GALNT18: variants seen among roughly 807,000 people sequenced by gnomAD.
GALNT18 encodes the protein polypeptide N-acetylgalactosaminyltransferase 18.
A neutral mutation model predicts 69.5 loss-of-function variants in GALNT18; 44 were observed. The ratio of observed to expected loss-of-function variants is 0.63; its 90% CI spans 0.50 to 0.81. The LOEUF (loss-of-function observed/expected upper bound fraction) is 0.81, where lower values mean the gene tolerates loss of function less well. Ranked by LOEUF, GALNT18 falls within the 40% of genes least tolerant of loss-of-function variation. The pLI, the probability that GALNT18 is intolerant of heterozygous loss-of-function variation, is 0.00. For synonymous variants in GALNT18, 364 were observed against 318.2 expected (o/e 1.14, Z -1.53); for missense variants, 715 against 810.0 (o/e 0.88, Z 1.42).
rs1859622281 is a variant in GALNT18 at position 11,601,056 on chromosome 11, T to G, written c.235+20303A>C. 6.6e-6 allele frequency among the ~76,000 whole-genome samples: 1 copy of G among 152,220 alleles called. No individual in the cohort carries two copies. The highest frequency in any genetic ancestry group is 2.4e-5 in the African/African-American group (1 of 41,470). ...GACATTTTCATGATGCCTTTAATTT[T>G]TTCAGCATAGTTTCCTTTAGTTCTT... On this transcript the variant is annotated intron_variant, in intron 1 of 10. Coordinates refer to ENST00000227756, the MANE Select transcript of GALNT18 (RefSeq NM_198516.3). The surrounding 1 kb of genome is among the most constrained non-coding windows in gnomAD (Gnocchi z 4.0).
intron 2 of GALNT18, among the ~76,000 whole-genome samples, chr11:11,442,517 A>G (rs976455370): frequency 2.0e-5 from 3 of 152,170 alleles, no homozygotes; most frequent in African/African-American, 7.2e-5. Context: ...CTGGACTGTT[A>G]AAACAATCTT....
At chr11:11,576,182 A>G (rs1184610662) in intron 1 of GALNT18, among the ~76,000 whole-genome samples, 1 of 152,222 alleles carries the variant, frequency 6.6e-6, no homozygotes, top group South Asian at 2.1e-4. Context: ...TTCTCTAGCC[A>G]GAGTCCTGCT....
chr11:11,282,533 G>C (rs1414582446), intron 10 of GALNT18, among the ~76,000 whole-genome samples: 3 of 152,188 alleles, frequency 2.0e-5, no homozygotes, highest in Non-Finnish European at 4.4e-5. Flanking sequence ...AGTAAGTAGT[G>C]GCAGCCTGGG....
Position 11,454,204 on chromosome 11 carries a change from A to G in GALNT18, c.236-5268T>C, listed in dbSNP as rs1423419722. Among the ~76,000 whole-genome samples the G allele has an allele frequency of 6.6e-6, 1 of 152,202 alleles. No individual in the cohort carries two copies. The highest frequency in any genetic ancestry group is 1.5e-5 in the Non-Finnish European group (1 of 68,026). ...AGCCAGTGAAGGCATGGCCGGGGCA[A>G]ATTCCAGCTGTGTGCAGTTAATTCC... On this transcript the variant is annotated intron_variant, in intron 1 of 10. Coordinates refer to ENST00000227756, the MANE Select transcript of GALNT18 (RefSeq NM_198516.3). This position sits in a 1 kb window ranked among gnomAD's most constrained non-coding sequence, Gnocchi z 4.2.
intron 6 of GALNT18, among the ~76,000 whole-genome samples, chr11:11,355,289 C>T (rs962567582): frequency 1.3e-4 from 20 of 152,178 alleles, no homozygotes; most frequent in Admixed American, 3.3e-4. Context: ...GATACTTACA[C>T]TGTGTTTTTT....
rs1308234609 is a variant in GALNT18, at chr11:11,340,812, TC to T, written c.1278+6del. 1.5e-5 allele frequency: 24 copies of T among 1,601,890 alleles called. No individual in the cohort carries two copies. Among genetic ancestry groups the T allele is most frequent in the Non-Finnish European group, 2.0e-5 (24 of 1,173,432 alleles). ...CCGAGAAACTCATCCCTACCGGAGATCCCTACCTCCTGCGGTATGTTCCATG... is the reference window on the plus strand; with the variant it reads ...CCGAGAAACTCATCCCTACCGGAGATCCTACCTCCTGCGGTATGTTCCATG... On this transcript the variant is annotated splice_donor_region_variant and intron_variant, in intron 7 of 10. Coordinates refer to ENST00000227756, the MANE Select transcript of GALNT18 (RefSeq NM_198516.3). The surrounding 1 kb of genome is among the most constrained non-coding windows in gnomAD (Gnocchi z 4.2).
At chr11:11,273,348 A>C (rs1208334648) in intron 10 of GALNT18, among the ~76,000 whole-genome samples, 1 of 145,560 alleles carries the variant, frequency 6.9e-6, no homozygotes, top group African/African-American at 2.5e-5. Context: ...CAAATAACTC[A>C]ATAGCAAGAA....
chr11:11,292,938 C>T, intron 10 of GALNT18, 91 bp downstream of exon 10: 1 of 1,195,932 alleles, frequency 8.4e-7, no homozygotes. Flanking sequence ...CCTTCCCCTT[C>T]CCCTCTCCTC....
At chr11:11,481,256 T>C (rs1856521883) in intron 1 of GALNT18, among the ~76,000 whole-genome samples, 2 of 145,516 alleles carry the variant, frequency 1.4e-5, no homozygotes, top group Non-Finnish European at 3.0e-5. Context: ...CCCCTTGCCC[T>C]GGCTACAGCT....
intron 3 of GALNT18, among the ~76,000 whole-genome samples, chr11:11,395,335 G>C (rs912619614): frequency 1.3e-5 from 2 of 152,234 alleles, no homozygotes; most frequent in Non-Finnish European, 2.9e-5. Flanking sequence ...AAGAAGGAAA[G>C]GGGACAGGTG....
At chr11:11,450,202 G>T (rs573323210) in intron 1 of GALNT18, among the ~76,000 whole-genome samples, 9 of 152,196 alleles carry the variant, frequency 5.9e-5, no homozygotes, top group Non-Finnish European at 1.2e-4. Flanking sequence ...GGACAGGAGA[G>T]GCAGGCTTGG....
At chr11:11,553,466 C>G (rs1858250429) in intron 1 of GALNT18, among the ~76,000 whole-genome samples, 1 of 152,192 alleles carries the variant, frequency 6.6e-6, no homozygotes. Context: ...TGGACGGGAC[C>G]CAGGCCTCTG....
chr11:11,408,670 T>C (rs1854651409), intron 3 of GALNT18, among the ~76,000 whole-genome samples: 1 of 152,138 alleles, frequency 6.6e-6, no homozygotes, highest in South Asian at 2.1e-4. Flanking sequence ...ACCTGCATCG[T>C]AGGCAGGAGG....
intron 10 of GALNT18, among the ~76,000 whole-genome samples, chr11:11,275,542 T>C (rs1334295884): frequency 6.6e-6 from 1 of 152,236 alleles, no homozygotes; most frequent in Non-Finnish European, 1.5e-5. Context: ...TTTAATTAGA[T>C]CCCATTTGTC....
At chr11:11,422,018 GATATCTATATCATCT>G (rs939093664) in intron 3 of GALNT18, among the ~76,000 whole-genome samples, 18 of 151,346 alleles carry the variant, frequency 1.2e-4, no homozygotes, top group Admixed American at 3.3e-4. Context: ...GAATCTGTCA[GATATCTATATCATCT>G]ATATCTATAT....
chr11:11,292,320 TCTC>T lies in GALNT18; in HGVS notation c.1677+706_1677+708del, dbSNP rs1189888692. ...GAGACCTCTGGGCAGAGGCAGAAGT[TCTC>T]CTCAAAGCTAGGCATCTAGATCCTT... is the stretch of plus-strand genomic sequence containing the variant. On this transcript the variant is annotated intron_variant, in intron 10 of 10. Coordinates refer to ENST00000227756, the MANE Select transcript of GALNT18 (RefSeq NM_198516.3). 2.6e-5 allele frequency among the ~76,000 whole-genome samples: 4 copies of T among 152,076 alleles called. No homozygotes were observed. The East Asian group carries it at 7.7e-4, about 29-fold the overall frequency.
chr11:11,301,476 T>C (rs1408154221), intron 9 of GALNT18, among the ~76,000 whole-genome samples: 1 of 152,168 alleles, frequency 6.6e-6, no homozygotes, highest in African/African-American at 2.4e-5. Context: ...GAGAGTCATT[T>C]CCAGAATGAT....
In GALNT18 at chr11:11,621,656, C is replaced by T; in HGVS notation, c.-63G>A. ...CTTCCTTGTCGTGCGCCCCGAACTC[C>T]CCCGCGCTCGCACCCCGTAGCACGT... On this transcript the variant is annotated 5_prime_UTR_variant, in exon 1 of 11. Transcript: ENST00000227756. This position sits in a 1 kb window ranked among gnomAD's most constrained non-coding sequence, Gnocchi z 9.3. 2 of 1,302,856 alleles carry T rather than the reference C, an allele frequency of 1.5e-6. No homozygotes were observed. The highest frequency in any genetic ancestry group is 2.5e-5 in the East Asian group (1 of 39,458). The allele number at this position is 1,302,856 out of a possible 1,614,324, so 80.7% of individuals were successfully genotyped here.
rs1456333757 is a variant in GALNT18 at position 11,540,221 on chromosome 11, C to G, written c.235+81138G>C. ...TCAAAACAGAGATAGTCAGTTCTGT[C>G]TCCTTAGCAAGCTATCTTCTCAAGG... On this transcript the variant is annotated intron_variant, in intron 1 of 10. Coordinates refer to ENST00000227756, the MANE Select transcript of GALNT18 (RefSeq NM_198516.3). This position sits in a 1 kb window ranked among gnomAD's most constrained non-coding sequence, Gnocchi z 4.6. Among the ~76,000 whole-genome samples, 2 of 152,240 alleles carry G rather than the reference C, an allele frequency of 1.3e-5. No homozygotes were observed. The highest frequency in any genetic ancestry group is 2.4e-5 in the African/African-American group (1 of 41,462).
Sources: gnomAD v4.1 joint callset for allele counts (sites outside exome capture counted in the v4.1 genomes callset) on GRCh38, gnomAD v4.1.1 for gene constraint, Gnocchi (gnomAD v3.1) non-coding constraint, MANE v1.5 for transcripts, NCBI Gene and HGNC (gene_info 2026-07-23, HGNC 2026-07-21) for gene names.